SLC6A19: variants seen among roughly 807,000 people sequenced by gnomAD.
The protein encoded by SLC6A19 is sodium-dependent neutral amino acid transporter B(0)AT1.
Under a neutral mutation model 68.3 loss-of-function variants are expected in SLC6A19, and 67 were observed. The observed-to-expected ratio is 0.98, with a 90% CI of 0.81 to 1.20. SLC6A19 has a LOEUF of 1.20. SLC6A19 is among the 50% of genes most tolerant of loss of function. SLC6A19 has a pLI of 0.00. For missense variants in SLC6A19, 813 were observed against 851.6 expected (o/e 0.95, Z 0.56); for synonymous variants, 392 against 374.9 (o/e 1.05, Z -0.53).
chr5:1,210,652 C>T, intron 3 of SLC6A19, 71 bp downstream of exon 3: 1 of 1,598,568 alleles, frequency 6.3e-7, no homozygotes, highest in South Asian at 1.1e-5. Flanking sequence ...AGGCACATGG[C>T]CTCAGGAAAC....
At chr5:1,220,700 T>C (rs1746353461) in intron 10 of SLC6A19, among the ~76,000 whole-genome samples, 1 of 152,166 alleles carries the variant, frequency 6.6e-6, no homozygotes, top group African/African-American at 2.4e-5. Flanking sequence ...TCCATCCTGA[T>C]TTATGCAGAC....
At position 1,208,708 on chromosome 5, in the gene SLC6A19, G is replaced by A. The variant is rs199589100; in HGVS notation, c.203-38G>A. On this transcript the variant is annotated intron_variant, in intron 1 of 11. Coordinates refer to ENST00000304460, the MANE Select transcript of SLC6A19 (RefSeq NM_001003841.3). ...GAGGGAGGCCTTCCTGCTCCCCCGG[G>A]AACGGCTCTCAGGCATGGTGGACTC... 2.2e-5 allele frequency: 35 copies of A among 1,613,064 alleles called. No individual in the cohort carries two copies. In the East Asian group the frequency reaches 6.5e-4, roughly 30 times the overall value.
At chr5:1,202,962 T>C (rs974015845) in intron 1 of SLC6A19, among the ~76,000 whole-genome samples, 2 of 152,076 alleles carry the variant, frequency 1.3e-5, no homozygotes, top group Non-Finnish European at 2.9e-5. Flanking sequence ...GCCACTCCGA[T>C]ACTATAGTCC....
Position 1,218,941 on chromosome 5 carries a change from C to T in SLC6A19, c.1212C>T (p.Thr404=), listed in dbSNP as rs746583331. ...CAGGCCTGGCCTTCATCGTCTTCAC[C>T]GAGGCCATCACCAAGATGCCGTTGT... ...EGTGLAFIVF[T]EAITKMPLSP... Residue 404 remains threonine (T), a synonymous_variant, in exon 9 of 12, where the codon ACC becomes ACT. Coordinates refer to ENST00000304460, the MANE Select transcript of SLC6A19 (RefSeq NM_001003841.3). 1.2e-5 allele frequency: 20 copies of T among 1,613,886 alleles called. No homozygotes were observed. The highest frequency in any genetic ancestry group is 6.7e-5 in the African/African-American group (5 of 74,906).
intron 9 of SLC6A19, 86 bp downstream of exon 9, chr5:1,219,193 C>A: frequency 7.7e-7 from 1 of 1,297,782 alleles, no homozygotes. Flanking sequence ...GCTCTGTCCC[C>A]GGCCGTGCGT....
chr5:1,213,734 C>T (rs959139154), intron 5 of SLC6A19, among the ~76,000 whole-genome samples, 161 bp downstream of exon 5: 3 of 152,080 alleles, frequency 2.0e-5, no homozygotes, highest in Non-Finnish European at 4.4e-5. Context: ...AGGGCAAGGC[C>T]TGTCCCTGGG....
rs1746175279 is a variant in SLC6A19, at chr5:1,215,232, A to ATT, written c.887+1171_887+1172dup. Among the ~76,000 whole-genome samples, 2 of 152,082 alleles carry ATT rather than the reference A, an allele frequency of 1.3e-5. No individual in the cohort carries two copies. The highest frequency in any genetic ancestry group is 2.9e-5 in the Non-Finnish European group (2 of 67,986). On this transcript the variant is annotated intron_variant, in intron 6 of 11. Transcript: ENST00000304460. The surrounding 1 kb of genome is among the most constrained non-coding windows in gnomAD (Gnocchi z 5.1). ...GCTGAGGTGGAACTGAGGGTGAATT[A>ATT]TTTTTATAACAGCTTTATTCAGATC...
At position 1,218,943 on chromosome 5, in the gene SLC6A19, A is replaced by G; in HGVS notation, c.1214A>G (p.Glu405Gly). ...GTGLAFIVFT[E>G]AITKMPLSPL... is the part of the protein sequence containing the mutation. The stretch of plus-strand genomic sequence containing the variant: ...GGCCTGGCCTTCATCGTCTTCACCG[A>G]GGCCATCACCAAGATGCCGTTGTCC... Residue 405 changes from glutamate to glycine, a missense_variant, in exon 9 of 12, where the codon GAG becomes GGG. Glu to Gly is a moderately conservative substitution (Grantham distance 98, BLOSUM62 -2). Transcript: ENST00000304460. The G allele has an allele frequency of 6.2e-7, 1 of 1,613,980 alleles. No homozygotes were observed. Among genetic ancestry groups the G allele is most frequent in the Non-Finnish European group, 8.5e-7 (1 of 1,179,998 alleles).
chr5:1,204,725 G>A (rs12515126), intron 1 of SLC6A19, among the ~76,000 whole-genome samples: 61,385 of 152,124 alleles, frequency 0.4, 13,295 homozygotes, highest in Non-Finnish European at 0.5. Context: ...GCGAGGTGGC[G>A]TGCGGGAGCC....
chr5:1,210,343 C>T (rs1561163862), intron 2 of SLC6A19, 101 bp from the exon 3 acceptor site: 2 of 1,543,028 alleles, frequency 1.3e-6, no homozygotes, highest in Non-Finnish European at 1.8e-6. Flanking sequence ...CCATCCCAGC[C>T]ACACCCTGTG....
intron 4 of SLC6A19, among the ~76,000 whole-genome samples, chr5:1,213,093 C>G (rs1418142742): frequency 2.1e-5 from 3 of 140,382 alleles, no homozygotes; most frequent in Non-Finnish European, 4.7e-5. Flanking sequence ...GTCCCACATG[C>G]TCGGCCCCCC....
chr5:1,218,300 C>T lies in SLC6A19; in HGVS notation c.1174-603C>T, dbSNP rs545401205. On this transcript the variant is annotated intron_variant, in intron 8 of 11. Coordinates refer to ENST00000304460, the MANE Select transcript of SLC6A19 (RefSeq NM_001003841.3). ...AGCCAGTTCCCTGCAGGGAGCCCCA[C>T]GGAGCTGGGCAGGTCCCTCAGCCTC... is the stretch of plus-strand genomic sequence containing the variant. Among the ~76,000 whole-genome samples, 26 of 152,334 alleles carry T rather than the reference C, an allele frequency of 1.7e-4. 1 individual carries two copies. Among genetic ancestry groups the T allele is most frequent in the East Asian group, 5.8e-4 (3 of 5,178 alleles).
Position 1,202,350 on chromosome 5 carries a change from G to A in SLC6A19, c.202+498G>A, listed in dbSNP as rs994519550. Among the ~76,000 whole-genome samples the A allele has an allele frequency of 2.0e-5, 3 of 152,174 alleles. No homozygotes were observed. The South Asian group carries it at 6.2e-4, about 32-fold the overall frequency. On this transcript the variant is annotated intron_variant, in intron 1 of 11. Transcript: ENST00000304460. ...CTGTGGACTCGGGCCTGGCTCTTGA[G>A]CCAGGTGCCCTCAGGCCTGGAGGCC...
intron 4 of SLC6A19, among the ~76,000 whole-genome samples, chr5:1,213,106 C>G (rs1487058809): frequency 7.9e-6 from 1 of 126,764 alleles, no homozygotes; most frequent in Non-Finnish European, 1.7e-5. Context: ...GGCCCCCCGT[C>G]GCCCTGGGCC....
rs1196140758 is a variant in SLC6A19 at position 1,214,477 on chromosome 5, C to G, written c.887+412C>G. ...GTCTGATCCTTCCACTGCCCCTTCCCCACGTACCCACTGCGCTTCCCAATG... is the reference window on the plus strand; with the variant it reads ...GTCTGATCCTTCCACTGCCCCTTCCGCACGTACCCACTGCGCTTCCCAATG... On this transcript the variant is annotated intron_variant, in intron 6 of 11. Coordinates refer to ENST00000304460, the MANE Select transcript of SLC6A19 (RefSeq NM_001003841.3). This position sits in a 1 kb window ranked among gnomAD's most constrained non-coding sequence, Gnocchi z 7.4. Among the ~76,000 whole-genome samples the G allele has an allele frequency of 6.6e-6, 1 of 152,240 alleles. No individual in the cohort carries two copies. The highest frequency in any genetic ancestry group is 2.4e-5 in the African/African-American group (1 of 41,468).
In SLC6A19 at chr5:1,222,281, T is replaced by G. The variant is rs1353741693; in HGVS notation, c.*377T>G. ...GATATTTGCTGCCCGTGTGTGTGCA[T>G]GTATATATAGACATACATGCCTATG... On this transcript the variant is annotated 3_prime_UTR_variant, in exon 12 of 12. Transcript: ENST00000304460. 1.8e-6 allele frequency: 1 copy of G among 562,166 alleles called. No individual in the cohort carries two copies. Among genetic ancestry groups the G allele is most frequent in the African/African-American group, 1.9e-5 (1 of 53,480 alleles). The allele number at this position is 562,166 out of a possible 1,614,324, so 34.8% of individuals were successfully genotyped here.
At chr5:1,211,852 G>T (rs1212444028) in intron 3 of SLC6A19, among the ~76,000 whole-genome samples, 1 of 148,382 alleles carries the variant, frequency 6.7e-6, no homozygotes, top group Non-Finnish European at 1.5e-5. Context: ...GGGGTGTGCA[G>T]GTGCATGGAC....
chr5:1,213,993 G>A lies in SLC6A19; in HGVS notation c.815G>A (p.Gly272Asp). The A allele has an allele frequency of 1.2e-6, 2 of 1,613,630 alleles. No individual in the cohort carries two copies. The highest frequency in any genetic ancestry group is 1.3e-5 in the African/African-American group (1 of 75,050). The change falls in exon 6 of 12, where the codon GGC (glycine) becomes GAC (aspartate). Residue 272 changes from glycine to aspartate, a missense_variant. By Grantham distance (94) the Gly-to-Asp change is moderately conservative. Coordinates refer to ENST00000304460, the MANE Select transcript of SLC6A19 (RefSeq NM_001003841.3). Reference protein sequence around the residue: ...LAQPDTWLDAGAQVFFSFSLA... With the variant: ...LAQPDTWLDADAQVFFSFSLA... Reference sequence around the variant, plus strand: ...CAGCCGGACACCTGGCTGGACGCGGGCGCACAGGTCTTCTTCTCCTTCTCC... The same window carrying A: ...CAGCCGGACACCTGGCTGGACGCGGACGCACAGGTCTTCTTCTCCTTCTCC...
rs115500493 is a variant in SLC6A19 at position 1,209,885 on chromosome 5, A to T, written c.344-559A>T. Among the ~76,000 whole-genome samples, 7,744 of 152,264 alleles carry T rather than the reference A, an allele frequency of 0.051. 272 individuals are homozygous for T. The highest frequency in any genetic ancestry group is 0.084 in the Non-Finnish European group (5,689 of 68,010). ...CAGTAAAGCATGTACTACATAGCACACTTTCCATCCTGCCTAGCTGTCCCC... is the reference window on the plus strand; with the variant it reads ...CAGTAAAGCATGTACTACATAGCACTCTTTCCATCCTGCCTAGCTGTCCCC... On this transcript the variant is annotated intron_variant, in intron 2 of 11. Transcript: ENST00000304460. The surrounding 1 kb of genome is among the most constrained non-coding windows in gnomAD (Gnocchi z 5.5).
Sources: gnomAD v4.1 joint callset for allele counts (sites outside exome capture counted in the v4.1 genomes callset) on GRCh38, gnomAD v4.1.1 for gene constraint, Gnocchi (gnomAD v3.1) non-coding constraint, MANE v1.5 for transcripts, NCBI Gene and HGNC (gene_info 2026-07-23, HGNC 2026-07-21) for gene names.